Variants in PAX4 observed in about 807,000 individuals in gnomAD.
The protein encoded by PAX4 is paired box protein Pax-4.
In PAX4, 33 loss-of-function variants were observed where a neutral mutation model predicts 40.6. That is an observed-to-expected ratio of 0.81 (90% CI 0.62 to 1.09). The LOEUF (loss-of-function observed/expected upper bound fraction) is 1.09, where lower values mean the gene tolerates loss of function less well. PAX4 is among the 50% of genes least tolerant of loss of function. PAX4 has a pLI of 0.00. For synonymous variants in PAX4, 174 were observed against 170.6 expected, an observed-to-expected ratio of 1.02 and a Z score of -0.16; for missense variants, 459 against 442.5, an observed-to-expected ratio of 1.04 and a Z score of -0.33.
At chr7:127,612,683 C>A (rs806193) in intron 9 of PAX4, among the ~76,000 whole-genome samples, 109,645 of 142,538 alleles carry the variant, frequency 0.77, 41,553 homozygotes, top group Middle Eastern at 0.89. Flanking sequence ...TGGATGATGC[C>A]TGGATGAATG....
chr7:127,617,064 A>C (rs1158422055), intron 2 of PAX4, among the ~76,000 whole-genome samples: 1 of 152,224 alleles, frequency 6.6e-6, no homozygotes, highest in Non-Finnish European at 1.5e-5. Context: ...ATTCATCTGC[A>C]GTTGTATGCT....
At chr7:127,612,919 T>C in intron 9 of PAX4, 103 bp downstream of exon 9, 1 of 877,390 alleles carries the variant, frequency 1.1e-6, no homozygotes, top group Non-Finnish European at 1.9e-6. Context: ...GATGGATAAA[T>C]GGATGGACGA....
chr7:127,613,136 C>T lies in PAX4; in HGVS notation c.646-45G>A, dbSNP rs1169379620. On this transcript the variant is annotated intron_variant, in intron 8 of 11. Transcript: ENST00000639438. ...ATGCAGCTGGCTGTACTTTATGCTG[C>T]CTGTCACCTGCTGATCTCACCACAT... 6 of 1,450,058 alleles carry T rather than the reference C, an allele frequency of 4.1e-6. No homozygotes were observed. The East Asian group carries it at 6.8e-5, about 16-fold the overall frequency. The allele number at this position is 1,450,058 out of a possible 1,614,324, so 89.8% of individuals were successfully genotyped here.
intron 11 of PAX4, 107 bp downstream of exon 11, chr7:127,611,428 T>C (rs1200457445): frequency 2.5e-6 from 4 of 1,592,946 alleles, no homozygotes; most frequent in Non-Finnish European, 2.6e-6. Flanking sequence ...GAAAGCTGTA[T>C]TGAGATTCCT....
At chr7:127,617,049 A>G (rs1419782439) in intron 2 of PAX4, among the ~76,000 whole-genome samples, 2 of 152,238 alleles carry the variant, frequency 1.3e-5, no homozygotes, top group Non-Finnish European at 2.9e-5. Flanking sequence ...ATCTGGGCTT[A>G]GTTAATTCAT....
rs539092016 is a variant in PAX4, at chr7:127,611,187, C to T, written c.933G>A (p.Pro311=). Residue 311 remains proline, a synonymous_variant, in exon 12 of 12, where the codon CCG becomes CCA. Transcript: ENST00000639438. ...KPCWGHLPPQ[P]NSLDSGLLCL... The stretch of plus-strand genomic sequence containing the variant: ...AAAGCAGTCCTGAGTCCAGGGAATT[C>T]GGCTGTGGGGGCAAGTGGCCTGTGG... The T allele has an allele frequency of 2.1e-5, 34 of 1,601,948 alleles. No homozygotes were observed. Among genetic ancestry groups the T allele is most frequent in the Middle Eastern group, 1.8e-4 (1 of 5,518 alleles).
At position 127,610,682 on chromosome 7, in the gene PAX4, C is replaced by T; in HGVS notation, c.*382G>A. The T allele has an allele frequency of 1.6e-6, 1 of 608,422 alleles. No homozygotes were observed. Among genetic ancestry groups the T allele is most frequent in the Non-Finnish European group, 2.9e-6 (1 of 342,996 alleles). The allele number at this position is 608,422 out of a possible 1,614,324, so 37.7% of individuals were successfully genotyped here. On this transcript the variant is annotated 3_prime_UTR_variant, in exon 12 of 12. Transcript: ENST00000639438. Reference sequence around the variant, plus strand: ...GATACATGTATTGCCTACATACATGCATAGATTAGATGGTAGATACATAGA... The same window carrying T: ...GATACATGTATTGCCTACATACATGTATAGATTAGATGGTAGATACATAGA...
chr7:127,615,196 C>T, intron 4 of PAX4, 101 bp from the exon 5 acceptor site: 2 of 1,603,244 alleles, frequency 1.2e-6, no homozygotes, highest in African/African-American at 1.3e-5. Context: ...CCAAGACTTA[C>T]TGGACCAGGC....
At chr7:127,616,527 T>A (rs548283411) in intron 2 of PAX4, among the ~76,000 whole-genome samples, 5 of 152,204 alleles carry the variant, frequency 3.3e-5, no homozygotes, top group Non-Finnish European at 7.3e-5. Flanking sequence ...CCTGTTTTTT[T>A]ATACTCTCCA....
rs937744756 is a variant in PAX4, at chr7:127,611,647, G to A, written c.801C>T (p.Ala267=). 15 of 1,613,230 alleles carry A rather than the reference G, an allele frequency of 9.3e-6. No homozygotes were observed. The highest frequency in any genetic ancestry group is 1.7e-4 in the Middle Eastern group (1 of 6,036). Reference sequence around the variant, plus strand: ...GACCCAGTGGTTCCAGGGCAGGCAGGGCTGCTGTGGGCACACTGCCAGGGG... The same window carrying A: ...GACCCAGTGGTTCCAGGGCAGGCAGAGCTGCTGTGGGCACACTGCCAGGGG... ...QQSPGSVPTA[A]LPALEPLGPS... Residue 267 remains alanine (A), a synonymous_variant, in exon 11 of 12, where the codon GCC becomes GCT. Coordinates refer to ENST00000639438, the MANE Select transcript of PAX4 (RefSeq NM_001366110.1).
At chr7:127,615,862 C>A (rs1371241669) in intron 3 of PAX4, 54 bp downstream of exon 3, 3 of 1,535,584 alleles carry the variant, frequency 2.0e-6, no homozygotes, top group Non-Finnish European at 1.7e-6. Context: ...GCCCTGAGGT[C>A]TTCCCCTGTC....
At chr7:127,613,945 C>G in intron 6 of PAX4, 64 bp from the exon 7 acceptor site, 1 of 1,597,414 alleles carries the variant, frequency 6.3e-7, no homozygotes, top group Non-Finnish European at 8.5e-7. Flanking sequence ...AGATGGGGTC[C>G]CTGAGTCTCT....
intron 6 of PAX4, 138 bp from the exon 7 acceptor site, chr7:127,614,019 T>C: frequency 1.0e-6 from 1 of 976,148 alleles, no homozygotes; most frequent in Admixed American, 2.0e-5. Flanking sequence ...GCATTCATAG[T>C]TATTAGAGGT....
rs115621771 is a variant in PAX4, at chr7:127,613,044, G to A, written c.693C>T (p.Leu231=). 9 of 1,613,192 alleles carry A rather than the reference G, an allele frequency of 5.6e-6. No individual in the cohort carries two copies. In the African/African-American group the frequency reaches 8.0e-5, roughly 14 times the overall value. ...CACCTGGCAGCTGCATTTCCCACTT[G>A]AGCTTCTCTTGCCGACGCCATTTGG... ...RRAKWRRQEK[L]KWEMQLPGAS... is the part of the protein sequence containing the mutation. Residue 231 remains leucine, a synonymous_variant, in exon 9 of 12, where the codon CTC becomes CTT. Transcript: ENST00000639438.
Position 127,611,185 on chromosome 7 carries a change from T to A in PAX4, c.935A>T (p.Asn312Ile), listed in dbSNP as rs1190723554. The change falls in exon 12 of 12, where the codon AAT becomes ATT. Residue 312 changes from asparagine to isoleucine, a missense_variant. Asn to Ile is a moderately radical substitution (Grantham distance 149, BLOSUM62 -3). Coordinates refer to ENST00000639438, the MANE Select transcript of PAX4 (RefSeq NM_001366110.1). ...PCWGHLPPQP[N>I]SLDSGLLCLP... Reference sequence around the variant, plus strand: ...GCAAAGCAGTCCTGAGTCCAGGGAATTCGGCTGTGGGGGCAAGTGGCCTGT... The same window carrying A: ...GCAAAGCAGTCCTGAGTCCAGGGAAATCGGCTGTGGGGGCAAGTGGCCTGT... 1 of 1,603,026 alleles carries A rather than the reference T, an allele frequency of 6.2e-7. No individual in the cohort carries two copies. Among genetic ancestry groups the A allele is most frequent in the Non-Finnish European group, 8.5e-7 (1 of 1,175,112 alleles).
intron 5 of PAX4, 102 bp from the exon 6 acceptor site, chr7:127,614,659 A>G: frequency 8.5e-7 from 1 of 1,171,436 alleles, no homozygotes; most frequent in Non-Finnish European, 1.2e-6. Context: ...GTCTCCACCT[A>G]CACATTGTTC....
At chr7:127,613,970 G>C (rs1463644790) in intron 6 of PAX4, 89 bp from the exon 7 acceptor site, 2 of 1,490,468 alleles carry the variant, frequency 1.3e-6, no homozygotes, top group Non-Finnish European at 1.8e-6. Flanking sequence ...CTGCAGCCGG[G>C]AGACACCATG....
chr7:127,612,664 T>G (rs1794651048), intron 9 of PAX4, among the ~76,000 whole-genome samples: 2 of 143,726 alleles, frequency 1.4e-5, no homozygotes, highest in African/African-American at 5.3e-5. Context: ...GATGGGTGGG[T>G]GTGGTGGGTG....
At chr7:127,614,708 C>T in intron 5 of PAX4, 151 bp from the exon 6 acceptor site, 1 of 1,139,378 alleles carries the variant, frequency 8.8e-7, no homozygotes, top group Non-Finnish European at 1.3e-6. Flanking sequence ...ATGCTTTCTC[C>T]TTCCCAATCC....
Sources: allele counts gnomAD v4.1 joint callset (sites outside exome capture counted in the v4.1 genomes callset), GRCh38; gene constraint gnomAD v4.1.1; transcripts MANE v1.5; gene names NCBI Gene and HGNC (gene_info 2026-07-23, HGNC 2026-07-21).